The following TGM3 variants were observed in gnomAD, a reference collection of about 807,000 sequenced individuals.
TGM3 encodes the protein protein-glutamine gamma-glutamyltransferase E.
In TGM3, 52 loss-of-function variants were observed where a neutral mutation model predicts 73.8. That is an observed-to-expected ratio of 0.70 (90% CI 0.56 to 0.89). The LOEUF (loss-of-function observed/expected upper bound fraction) is 0.89. TGM3 is among the 40% of genes least tolerant of loss of function. The pLI is 0.00. For missense variants in TGM3, 928 were observed against 909.9 expected (o/e 1.02, Z -0.26); for synonymous variants, 372 against 354.9 (o/e 1.05, Z -0.54).
chr20:2,320,948 C>T (rs559950407), intron 7 of TGM3, among the ~76,000 whole-genome samples: 2 of 152,168 alleles, frequency 1.3e-5, no homozygotes, highest in South Asian at 2.1e-4. Context: ...TAGAAGGTGC[C>T]TAGAGACTGC....
At chr20:2,324,739 T>A (rs776443387) in intron 7 of TGM3, among the ~76,000 whole-genome samples, 15 of 152,224 alleles carry the variant, frequency 9.9e-5, no homozygotes, top group Non-Finnish European at 2.1e-4. Context: ...GGGCTGCCTG[T>A]CGAGTTCTTG....
rs2084325669 is a variant in TGM3, at chr20:2,332,327, T to C, written c.1642+17T>C. The C allele has an allele frequency of 1.3e-6, 2 of 1,557,058 alleles. No individual in the cohort carries two copies. Among genetic ancestry groups the C allele is most frequent in the Admixed American group, 1.8e-5 (1 of 54,342 alleles). The stretch of plus-strand genomic sequence containing the variant: ...CTGAGGAAGGTAACGCATCCCGCAG[T>C]TGGAGGAGATCCACGAATCCGAGGT... On this transcript the variant is annotated intron_variant, in intron 10 of 12. Transcript: ENST00000381458. The surrounding 1 kb of genome is among the most constrained non-coding windows in gnomAD (Gnocchi z 4.4).
In TGM3 at chr20:2,329,306, C is replaced by G. The variant is rs116067925; in HGVS notation, c.1333+941C>G. Among the ~76,000 whole-genome samples, 686 of 152,212 alleles carry G rather than the reference C, an allele frequency of 4.5e-3. 5 individuals carry two copies. Among genetic ancestry groups the G allele is most frequent in the African/African-American group, 0.016 (651 of 41,516 alleles). ...TGGCTAATGGTGTTGGCCGAGTTTA[C>G]AAAAAAGGAAAGCTGAGCGCAGGTG... On this transcript the variant is annotated intron_variant, in intron 9 of 12. Transcript: ENST00000381458.
In TGM3 at chr20:2,328,336, A is replaced by G. The variant is rs2084301833; in HGVS notation, c.1304A>G (p.Asp435Gly). ...GCGGTGGGCAGCAATGCTCGCATGG[A>G]CGTCACGGACAAGTACAAGTACCCA... Reference protein sequence around the residue: ...TKAVGSNARMDVTDKYKYPEG... With the variant: ...TKAVGSNARMGVTDKYKYPEG... The change falls in exon 9 of 13, where the codon GAC becomes GGC. Residue 435 changes from aspartate to glycine, a missense_variant. Coordinates refer to ENST00000381458, the MANE Select transcript of TGM3 (RefSeq NM_003245.4). This position sits in a 1 kb window ranked among gnomAD's most constrained non-coding sequence, Gnocchi z 5.2. 1 of 1,614,064 alleles carries G rather than the reference A, an allele frequency of 6.2e-7. No homozygotes were observed. The highest frequency in any genetic ancestry group is 1.1e-5 in the South Asian group (1 of 91,086).
At chr20:2,338,367 C>A (rs1251156926) in intron 11 of TGM3, among the ~76,000 whole-genome samples, 2 of 151,942 alleles carry the variant, frequency 1.3e-5, no homozygotes, top group African/African-American at 4.8e-5. Flanking sequence ...GAAAAAAAAG[C>A]ATGGAAATCT....
intron 11 of TGM3, among the ~76,000 whole-genome samples, chr20:2,339,466 G>A (rs1404509942): frequency 1.3e-5 from 2 of 152,150 alleles, no homozygotes; most frequent in African/African-American, 4.8e-5. Flanking sequence ...GCAAGACCCT[G>A]TCCTTGCAAA....
At chr20:2,305,878 C>T (rs1405614313) in intron 1 of TGM3, among the ~76,000 whole-genome samples, 2 of 152,182 alleles carry the variant, frequency 1.3e-5, no homozygotes, top group East Asian at 1.9e-4. Context: ...AGCTAATGCA[C>T]GTAAACACTT....
chr20:2,321,290 A>C (rs1398835466), intron 7 of TGM3, among the ~76,000 whole-genome samples: 1 of 152,202 alleles, frequency 6.6e-6, no homozygotes, highest in Non-Finnish European at 1.5e-5. Flanking sequence ...TGAATAGACG[A>C]GTTTACAGCT....
intron 12 of TGM3, 26 bp from the exon 13 acceptor site, chr20:2,340,408 A>T: frequency 6.2e-7 from 1 of 1,613,842 alleles, no homozygotes; most frequent in Non-Finnish European, 8.5e-7. Flanking sequence ...TCTCGTATCA[A>T]CACTGATCTG....
intron 7 of TGM3, among the ~76,000 whole-genome samples, chr20:2,317,936 T>TATATC (rs1555794821): frequency 3.0e-4 from 42 of 140,716 alleles, no homozygotes; most frequent in Middle Eastern, 3.6e-3. Context: ...TATATATATA[T>TATATC]ATATATCATA....
intron 1 of TGM3, among the ~76,000 whole-genome samples, chr20:2,307,729 T>C (rs2084182866): frequency 1.3e-5 from 2 of 152,186 alleles, no homozygotes; most frequent in African/African-American, 4.8e-5. Flanking sequence ...CAATGTCCTA[T>C]GAATAATAGC....
Position 2,334,307 on chromosome 20 carries a change from C to T in TGM3, c.1643-809C>T, listed in dbSNP as rs964302333. Reference sequence around the variant, plus strand: ...GTGATGCAGGGCCAGGTTGAGGGGTCTGAACTTTATCTAAGGCAATGAGGA... The same window carrying T: ...GTGATGCAGGGCCAGGTTGAGGGGTTTGAACTTTATCTAAGGCAATGAGGA... On this transcript the variant is annotated intron_variant, in intron 10 of 12. Coordinates refer to ENST00000381458, the MANE Select transcript of TGM3 (RefSeq NM_003245.4). The surrounding 1 kb of genome is among the most constrained non-coding windows in gnomAD (Gnocchi z 4.0). Among the ~76,000 whole-genome samples, 4 of 152,104 alleles carry T rather than the reference C, an allele frequency of 2.6e-5. No individual in the cohort carries two copies. The highest frequency in any genetic ancestry group is 4.4e-5 in the Non-Finnish European group (3 of 68,004).
Position 2,325,939 on chromosome 20 carries a change from G to T in TGM3, c.1074G>T (p.Gln358His). Reference protein sequence around the residue: ...GGWQVLDATPQERSQGVFQCG... With the variant: ...GGWQVLDATPHERSQGVFQCG... ...GGCAGGTGTTGGATGCTACCCCGCAGGAAAGAAGCCAAGGTAACTTCTCTG... is the reference window on the plus strand; with the variant it reads ...GGCAGGTGTTGGATGCTACCCCGCATGAAAGAAGCCAAGGTAACTTCTCTG... Residue 358 changes from glutamine (Q) to histidine (H), a missense_variant, in exon 8 of 13, where the codon CAG becomes CAT. Transcript: ENST00000381458. 6.3e-7 allele frequency: 1 copy of T among 1,593,520 alleles called. No homozygotes were observed. The highest frequency in any genetic ancestry group is 2.3e-5 in the East Asian group (1 of 44,080).
Position 2,309,807 on chromosome 20 carries a change from G to C in TGM3, c.158G>C (p.Arg53Thr). 1.9e-6 allele frequency: 3 copies of C among 1,614,212 alleles called. No individual in the cohort carries two copies. Among genetic ancestry groups the C allele is most frequent in the Non-Finnish European group, 2.5e-6 (3 of 1,180,032 alleles). Reference sequence around the variant, plus strand: ...AACAAAGGCCTTGGCTCTAACGAAAGACTGGAGTTCATTGTCTCCACAGGT... The same window carrying C: ...AACAAAGGCCTTGGCTCTAACGAAACACTGGAGTTCATTGTCTCCACAGGT... ...IMNKGLGSNE[R>T]LEFIVSTGPY... Residue 53 changes from arginine (R) to threonine (T), a missense_variant, in exon 2 of 13, where the codon AGA (arginine) becomes ACA (threonine). By Grantham distance (71) the Arg-to-Thr change is moderately conservative (BLOSUM62 -1). Transcript: ENST00000381458.
chr20:2,305,515 A>G (rs1231612211), intron 1 of TGM3, among the ~76,000 whole-genome samples: 4 of 152,162 alleles, frequency 2.6e-5, no homozygotes, highest in Admixed American at 2.6e-4. Flanking sequence ...TTTGTTCCTC[A>G]TTGTAAGATT....
At chr20:2,327,683 G>T (rs2084296077) in intron 8 of TGM3, among the ~76,000 whole-genome samples, 1 of 152,144 alleles carries the variant, frequency 6.6e-6, no homozygotes, top group Non-Finnish European at 1.5e-5. Flanking sequence ...GGAAGAAATG[G>T]TCAGGCTTGG....
intron 7 of TGM3, among the ~76,000 whole-genome samples, chr20:2,321,898 C>T (rs1600701570): frequency 6.6e-6 from 1 of 152,224 alleles, no homozygotes. Context: ...ATCTGCTCTG[C>T]CTTAAATTCC....
At chr20:2,310,879 G>A (rs6137630) in intron 3 of TGM3, 132 bp from the exon 4 acceptor site, 2 of 743,210 alleles carry the variant, frequency 2.7e-6, no homozygotes. Context: ...TACAGCCCAA[G>A]GGTCAGGGGA....
In TGM3 at chr20:2,330,880, C is replaced by A. The variant is rs543501954; in HGVS notation, c.1334-1122C>A. Among the ~76,000 whole-genome samples, 3 of 151,588 alleles carry A rather than the reference C, an allele frequency of 2.0e-5. No homozygotes were observed. In the South Asian group the frequency reaches 6.3e-4, roughly 32 times the overall value. On this transcript the variant is annotated intron_variant, in intron 9 of 12. Coordinates refer to ENST00000381458, the MANE Select transcript of TGM3 (RefSeq NM_003245.4). ...AATTAGCTGGGCTTGGTGGCGGGCA[C>A]CTGTAATCCCAGCTACTCGGGAGGC...
Sources: gnomAD v4.1 joint callset for allele counts (sites outside exome capture counted in the v4.1 genomes callset) on GRCh38, gnomAD v4.1.1 for gene constraint, Gnocchi (gnomAD v3.1) non-coding constraint, MANE v1.5 for transcripts, NCBI Gene and HGNC (gene_info 2026-07-23, HGNC 2026-07-21) for gene names.